FOXO3: variants seen among roughly 807,000 people sequenced by gnomAD.
FOXO3 encodes forkhead box O3.
In FOXO3, 4 loss-of-function variants were observed where a neutral mutation model predicts 41.9. The observed-to-expected ratio is 0.10, with a 90% CI of 0.05 to 0.22. The LOEUF (loss-of-function observed/expected upper bound fraction) is 0.22, where lower values mean the gene tolerates loss of function less well. Ranked by LOEUF, FOXO3 falls within the 10% of genes least tolerant of loss-of-function variation. The probability of loss-of-function intolerance (pLI) is 1.00; values close to 1 mark genes in which losing one functional copy is unlikely to be tolerated. For synonymous variants in FOXO3, 318 were observed against 389.3 expected (o/e 0.82, Z 2.16); for missense variants, 534 against 906.8 (o/e 0.59, Z 5.28).
In FOXO3 at chr6:108,683,931, T is replaced by C. The variant is rs1770966412; in HGVS notation, c.*4139T>C. 1 of 152,628 alleles carries C rather than the reference T, an allele frequency of 6.6e-6. No homozygotes were observed. Among genetic ancestry groups the C allele is most frequent in the South Asian group, 2.1e-4 (1 of 4,826 alleles). 9.5% of individuals were successfully genotyped at this position (152,628 alleles called of 1,614,324 possible). ...TAGAGGAAGTGAAGTTCTGATGGAATCATGCCTGTCAAATGAGGTCTTGAA... is the reference window on the plus strand; with the variant it reads ...TAGAGGAAGTGAAGTTCTGATGGAACCATGCCTGTCAAATGAGGTCTTGAA... On this transcript the variant is annotated 3_prime_UTR_variant, in exon 3 of 3. Transcript: ENST00000406360.
At chr6:108,611,696 CTT>C (rs780238724) in intron 1 of FOXO3, among the ~76,000 whole-genome samples, 3 of 125,384 alleles carry the variant, frequency 2.4e-5, no homozygotes, top group Non-Finnish European at 1.7e-5. Context: ...AATCTTTTGC[CTT>C]TTTTTTTTTT....
At chr6:108,635,864 A>G (rs1778107405) in intron 1 of FOXO3, among the ~76,000 whole-genome samples, 1 of 152,210 alleles carries the variant, frequency 6.6e-6, no homozygotes. Context: ...CTGGGTTATG[A>G]ATGATGAGTT....
chr6:108,605,632 C>T (rs1277142357), intron 1 of FOXO3, among the ~76,000 whole-genome samples: 1 of 152,138 alleles, frequency 6.6e-6, no homozygotes, highest in Non-Finnish European at 1.5e-5. Context: ...GATTACAGGT[C>T]TGATTTCAGA....
intron 1 of FOXO3, among the ~76,000 whole-genome samples, chr6:108,633,610 A>T (rs1778035065): frequency 6.6e-6 from 1 of 152,174 alleles, no homozygotes; most frequent in South Asian, 2.1e-4. Context: ...GGTCATTATA[A>T]TTCTGCCCCC....
chr6:108,560,362 C>T (rs564991782), upstream of FOXO3, among the ~76,000 whole-genome samples: 16 of 152,336 alleles, frequency 1.1e-4, no homozygotes, highest in East Asian at 2.7e-3. Flanking sequence ...CCACACAAAA[C>T]CCCGAAGTGG....
chr6:108,592,384 GT>G (rs1170402350), intron 1 of FOXO3, among the ~76,000 whole-genome samples: 13 of 152,150 alleles, frequency 8.5e-5, no homozygotes, highest in Non-Finnish European at 1.6e-4. Context: ...ATTTACGCCA[GT>G]TTTTACAGTA....
intron 1 of FOXO3, among the ~76,000 whole-genome samples, chr6:108,582,749 C>T (rs1330565734): frequency 6.6e-6 from 1 of 151,856 alleles, no homozygotes; most frequent in East Asian, 1.9e-4. Context: ...GACTCTGACC[C>T]AGGAAAAACA....
intron 1 of FOXO3, among the ~76,000 whole-genome samples, chr6:108,572,029 A>G (rs749686860): frequency 6.6e-5 from 10 of 152,156 alleles, no homozygotes; most frequent in Non-Finnish European, 8.8e-5. Context: ...CTACTAGAAC[A>G]TGTCCCTCTT....
intron 1 of FOXO3, among the ~76,000 whole-genome samples, chr6:108,572,495 A>G (rs1776130586): frequency 6.6e-6 from 1 of 152,216 alleles, no homozygotes; most frequent in Non-Finnish European, 1.5e-5. Flanking sequence ...AGCATAGAAC[A>G]TGGAGTGGTT....
Position 108,639,522 on chromosome 6 carries a change from T to C in FOXO3, c.622-23933T>C, listed in dbSNP as rs1191370884. 4.1e-6 allele frequency: 4 copies of C among 985,100 alleles called. No homozygotes were observed. In the East Asian group the frequency reaches 4.5e-4, roughly 112 times the overall value. The allele number at this position is 985,100 out of a possible 1,614,324, so 61.0% of individuals were successfully genotyped here. A position where few individuals can be genotyped will look rare whatever the true frequency, so the allele number is the denominator to read the frequency against. The stretch of plus-strand genomic sequence containing the variant: ...CATTCCCTGGGATGAAAAACCCTGC[T>C]CAAGCCTGGGTACAGTGACCCAAGG... On this transcript the variant is annotated intron_variant, in intron 1 of 2. Transcript: ENST00000406360.
At chr6:108,656,495 G>A (rs956232625) in intron 1 of FOXO3, 38 of 985,164 alleles carry the variant, frequency 3.9e-5, no homozygotes, top group African/African-American at 7.0e-5. Flanking sequence ...GGAAGGGGCC[G>A]CCCTGGAACC....
At chr6:108,622,093 C>A (rs1777683070) in intron 1 of FOXO3, among the ~76,000 whole-genome samples, 1 of 151,810 alleles carries the variant, frequency 6.6e-6, no homozygotes, top group East Asian at 1.9e-4. Context: ...CCCATCTCTA[C>A]TAACAATACA....
intron 1 of FOXO3, among the ~76,000 whole-genome samples, chr6:108,613,955 T>C (rs1259820568): frequency 5.3e-5 from 8 of 152,196 alleles, no homozygotes; most frequent in Non-Finnish European, 8.8e-5. Flanking sequence ...ATTTTACCTG[T>C]AATTACTTTG....
intron 1 of FOXO3, among the ~76,000 whole-genome samples, chr6:108,601,730 A>T (rs1484538764): frequency 6.6e-6 from 1 of 152,222 alleles, no homozygotes; most frequent in Non-Finnish European, 1.5e-5. Context: ...ATAAGTGATC[A>T]TGTTATATCA....
intron 1 of FOXO3, among the ~76,000 whole-genome samples, chr6:108,614,117 G>A (rs906416798): frequency 1.1e-4 from 17 of 152,132 alleles, no homozygotes; most frequent in African/African-American, 3.4e-4. Context: ...TGTTTTATGA[G>A]CCAAGAATAT....
At chr6:108,567,168 C>G (rs1355802848) in intron 1 of FOXO3, among the ~76,000 whole-genome samples, 1 of 152,198 alleles carries the variant, frequency 6.6e-6, no homozygotes. Context: ...TCTGCTTTCT[C>G]TAGTACTTCA....
intron 1 of FOXO3, among the ~76,000 whole-genome samples, chr6:108,658,398 A>G (rs955817598): frequency 6.6e-6 from 1 of 152,194 alleles, no homozygotes; most frequent in African/African-American, 2.4e-5. Context: ...TCTGTAGGTA[A>G]TAGGCTCCAG....
Position 108,571,306 on chromosome 6 carries a change from C to G in FOXO3, c.621+9477C>G, listed in dbSNP as rs374021067. Reference sequence around the variant, plus strand: ...TTGAACTTTTTGTAATTCTGTAATGCTATATCGGTTTCTCACCTCCCTCCA... The same window carrying G: ...TTGAACTTTTTGTAATTCTGTAATGGTATATCGGTTTCTCACCTCCCTCCA... On this transcript the variant is annotated intron_variant, in intron 1 of 2. Transcript: ENST00000406360. 5.9e-5 allele frequency among the ~76,000 whole-genome samples: 9 copies of G among 152,280 alleles called. No individual in the cohort carries two copies. In the East Asian group the frequency reaches 7.7e-4, roughly 13 times the overall value.
At chr6:108,583,188 G>C (rs987052500) in intron 1 of FOXO3, among the ~76,000 whole-genome samples, 18 of 152,122 alleles carry the variant, frequency 1.2e-4, no homozygotes, top group Non-Finnish European at 4.4e-5. Context: ...TACAGTCCTC[G>C]CTTCAGACTC....
Sources: gnomAD v4.1 joint callset for allele counts (sites outside exome capture counted in the v4.1 genomes callset) on GRCh38, gnomAD v4.1.1 for gene constraint, MANE v1.5 for transcripts, NCBI Gene and HGNC (gene_info 2026-07-23, HGNC 2026-07-21) for gene names.